Variants in CCSER1 observed in about 807,000 individuals in gnomAD.
The protein encoded by CCSER1 is coiled-coil serine rich protein 1.
A neutral mutation model predicts 82.0 loss-of-function variants in CCSER1; 41 were observed. That is an observed-to-expected ratio of 0.50 (90% CI 0.39 to 0.65). CCSER1 has a LOEUF of 0.65. Among genes scored for constraint, CCSER1 ranks in the 30% least tolerant of loss-of-function variants. The pLI is 0.00. For missense variants in CCSER1, 1,119 were observed against 1,064.2 expected (o/e 1.05, Z -0.72); for synonymous variants, 414 against 383.9 (o/e 1.08, Z -0.92).
At chr4:91,105,882 G>GT (rs1554068475) in intron 10 of CCSER1, among the ~76,000 whole-genome samples, 89 of 149,652 alleles carry the variant, frequency 5.9e-4, no homozygotes, top group Non-Finnish European at 1.0e-3. Context: ...TACGGTTTTT[G>GT]TTTTTTTTTC....
chr4:91,207,956 G>T (rs770795435), intron 10 of CCSER1, among the ~76,000 whole-genome samples: 1 of 151,948 alleles, frequency 6.6e-6, no homozygotes, highest in South Asian at 2.1e-4. Flanking sequence ...TTGTGGTTTT[G>T]ATTTGCATTT....
At chr4:91,559,041 T>G (rs1178066768) in intron 10 of CCSER1, among the ~76,000 whole-genome samples, 2 of 151,588 alleles carry the variant, frequency 1.3e-5, no homozygotes, top group African/African-American at 4.8e-5. Context: ...CATTGCTTCC[T>G]TTGCTTTCAG....
At chr4:90,579,079 T>C (rs1291777741) in intron 5 of CCSER1, among the ~76,000 whole-genome samples, 2 of 96,468 alleles carry the variant, frequency 2.1e-5, no homozygotes, top group Non-Finnish European at 3.8e-5. Flanking sequence ...TAAAATGATT[T>C]ATATTTTTAA....
intron 5 of CCSER1, among the ~76,000 whole-genome samples, chr4:90,517,580 C>T (rs546386419): frequency 6.6e-6 from 1 of 152,156 alleles, no homozygotes; most frequent in Non-Finnish European, 1.5e-5. Flanking sequence ...GTTGAATATA[C>T]AGATTTAAAC....
At chr4:90,372,288 A>T (rs1361897454) in intron 3 of CCSER1, among the ~76,000 whole-genome samples, 1 of 152,204 alleles carries the variant, frequency 6.6e-6, no homozygotes, top group Non-Finnish European at 1.5e-5. Flanking sequence ...ATGGTAACTC[A>T]CTTTGAATGG....
At chr4:90,703,177 T>A (rs1738526556) in intron 6 of CCSER1, among the ~76,000 whole-genome samples, 1 of 152,222 alleles carries the variant, frequency 6.6e-6, no homozygotes, top group Admixed American at 6.5e-5. Context: ...GCTGTGTCTT[T>A]GTTCTCATTG....
intron 3 of CCSER1, among the ~76,000 whole-genome samples, chr4:90,323,987 A>G (rs1441473341): frequency 1.3e-5 from 2 of 152,190 alleles, no homozygotes; most frequent in African/African-American, 4.8e-5. Context: ...TGTCCCTACA[A>G]AGGACATGAA....
At chr4:90,427,738 T>C (rs1757721084) in intron 4 of CCSER1, among the ~76,000 whole-genome samples, 1 of 151,752 alleles carries the variant, frequency 6.6e-6, no homozygotes, top group Non-Finnish European at 1.5e-5. Context: ...ACGTGTATTT[T>C]AAATTTTATT....
chr4:90,717,787 A>T (rs555205510), intron 6 of CCSER1, among the ~76,000 whole-genome samples: 1 of 149,596 alleles, frequency 6.7e-6, no homozygotes, highest in Non-Finnish European at 1.5e-5. Context: ...ATATGTGTGT[A>T]TATATATATA....
chr4:91,202,547 C>T (rs1343443559), intron 10 of CCSER1, among the ~76,000 whole-genome samples: 1 of 151,858 alleles, frequency 6.6e-6, no homozygotes, highest in Non-Finnish European at 1.5e-5. Context: ...TTATTGATTG[C>T]CGAAAGAGGC....
At chr4:91,206,660 T>C (rs568275761) in intron 10 of CCSER1, among the ~76,000 whole-genome samples, 3 of 151,968 alleles carry the variant, frequency 2.0e-5, no homozygotes, top group Admixed American at 6.6e-5. Flanking sequence ...TGAAAGACTC[T>C]AGCTCCTGTT....
chr4:90,547,967 C>T (rs1349092701), intron 5 of CCSER1, among the ~76,000 whole-genome samples: 1 of 151,996 alleles, frequency 6.6e-6, no homozygotes, highest in Non-Finnish European at 1.5e-5. Flanking sequence ...ATAAATAGGG[C>T]CATCTTTTAG....
At chr4:91,246,827 TACACACAC>T (rs34278711) in intron 10 of CCSER1, among the ~76,000 whole-genome samples, 21 of 144,084 alleles carry the variant, frequency 1.5e-4, no homozygotes, top group African/African-American at 5.1e-4. Flanking sequence ...CATACACACA[TACACACAC>T]ACACACACAC....
intron 5 of CCSER1, among the ~76,000 whole-genome samples, chr4:90,554,495 A>G (rs937540055): frequency 6.6e-6 from 1 of 152,244 alleles, no homozygotes; most frequent in African/African-American, 2.4e-5. Context: ...CACTATCATA[A>G]CAATTGAGGA....
intron 6 of CCSER1, among the ~76,000 whole-genome samples, chr4:90,657,697 T>C (rs1295407505): frequency 6.6e-6 from 1 of 152,216 alleles, no homozygotes; most frequent in South Asian, 2.1e-4. Flanking sequence ...TTATCATATG[T>C]TTTAGTCCAT....
intron 7 of CCSER1, among the ~76,000 whole-genome samples, chr4:90,742,997 G>A (rs578257670): frequency 1.3e-5 from 2 of 152,010 alleles, no homozygotes; most frequent in Non-Finnish European, 2.9e-5. Context: ...CCACACATAA[G>A]TAATTTGGCA....
chr4:90,759,311 A>G (rs1158573693), intron 7 of CCSER1, among the ~76,000 whole-genome samples: 1 of 152,202 alleles, frequency 6.6e-6, no homozygotes, highest in Non-Finnish European at 1.5e-5. Context: ...TGATTTTTCA[A>G]TAAATCTCAC....
intron 10 of CCSER1, among the ~76,000 whole-genome samples, chr4:91,237,877 G>A (rs1739138598): frequency 6.6e-6 from 1 of 152,184 alleles, no homozygotes; most frequent in Non-Finnish European, 1.5e-5. Context: ...TTGTCTGTGA[G>A]TGAATTTATT....
chr4:90,695,951 A>G (rs1736925031), intron 6 of CCSER1, among the ~76,000 whole-genome samples: 1 of 152,066 alleles, frequency 6.6e-6, no homozygotes, highest in African/African-American at 2.4e-5. Flanking sequence ...TCAACAGTAA[A>G]ACATTTTGAA....
Sources: allele counts gnomAD v4.1 joint callset (sites outside exome capture counted in the v4.1 genomes callset), GRCh38; gene constraint gnomAD v4.1.1; transcripts MANE v1.5; gene names NCBI Gene and HGNC (gene_info 2026-07-23, HGNC 2026-07-21).